The following CCDC171 variants were observed in gnomAD, a reference collection of about 807,000 sequenced individuals.
CCDC171 encodes the protein coiled-coil domain-containing protein 171.
Under a neutral mutation model 168.2 loss-of-function variants are expected in CCDC171, and 177 were observed. That is an observed-to-expected ratio of 1.05 (90% CI 0.93 to 1.19). The LOEUF is 1.19. Ranked by LOEUF, CCDC171 falls within the 50% of genes most tolerant of loss-of-function variation. The pLI is 0.00. For missense variants in CCDC171, 1,991 were observed against 1,539.0 expected (o/e 1.29, Z -4.91); for synonymous variants, 687 against 540.8 (o/e 1.27, Z -3.75).
chr9:15,563,147 T>C lies in CCDC171; in HGVS notation c.-111-831T>C, dbSNP rs561150722. 7.3e-5 allele frequency among the ~76,000 whole-genome samples: 11 copies of C among 151,046 alleles called. No homozygotes were observed. The South Asian group carries it at 2.3e-3, about 31-fold the overall frequency. On this transcript the variant is annotated intron_variant, in intron 1 of 25. Coordinates refer to ENST00000380701, the MANE Select transcript of CCDC171 (RefSeq NM_173550.4). ...ACTTTTTCAAGTTACTTCTTTTTTTTTTTTTTTTGACACGGAGTTTCTCTC... is the reference window on the plus strand; with the variant it reads ...ACTTTTTCAAGTTACTTCTTTTTTTCTTTTTTTTGACACGGAGTTTCTCTC...
intron 6 of CCDC171, among the ~76,000 whole-genome samples, chr9:15,621,314 G>T (rs984474840): frequency 6.6e-6 from 1 of 152,104 alleles, no homozygotes; most frequent in East Asian, 1.9e-4. Context: ...TATATATAAT[G>T]CTATTGCACA....
chr9:15,918,042 G>C (rs1824783628), intron 24 of CCDC171, among the ~76,000 whole-genome samples: 1 of 151,564 alleles, frequency 6.6e-6, no homozygotes, highest in Non-Finnish European at 1.5e-5. Context: ...ATGCAACATA[G>C]GTGAAGGGTT....
chr9:15,809,377 C>T (rs1033856672), intron 21 of CCDC171, among the ~76,000 whole-genome samples: 3 of 152,210 alleles, frequency 2.0e-5, no homozygotes, highest in Non-Finnish European at 2.9e-5. Context: ...TCCTCAGTCT[C>T]ACTGTGTCTG....
chr9:15,730,006 T>A (rs767622541), intron 16 of CCDC171, among the ~76,000 whole-genome samples: 2 of 152,184 alleles, frequency 1.3e-5, no homozygotes, highest in Middle Eastern at 3.4e-3. Context: ...TCATGTAAGT[T>A]TGGAAATATA....
chr9:15,994,426 G>A (rs1832305756), intron 3 of CCDC171, among the ~76,000 whole-genome samples: 2 of 152,146 alleles, frequency 1.3e-5, no homozygotes, highest in Non-Finnish European at 2.9e-5. Context: ...TCACACACCA[G>A]GCCTGTCATG....
chr9:15,692,483 T>G (rs890651391), intron 10 of CCDC171, among the ~76,000 whole-genome samples: 20 of 152,064 alleles, frequency 1.3e-4, no homozygotes, highest in Non-Finnish European at 2.5e-4. Flanking sequence ...ATGAAATCTC[T>G]CTCTTAATCA....
chr9:15,777,560 C>G (rs1564387023), intron 18 of CCDC171, 40 bp from the exon 19 acceptor site: 1 of 1,226,766 alleles, frequency 8.2e-7, no homozygotes, highest in East Asian at 2.3e-5. Context: ...GCACAAGAGA[C>G]AATTCACATT....
At chr9:15,644,136 G>C (rs1369837183) in intron 7 of CCDC171, among the ~76,000 whole-genome samples, 1 of 152,132 alleles carries the variant, frequency 6.6e-6, no homozygotes, top group East Asian at 1.9e-4. Flanking sequence ...AATTTTTTGA[G>C]CAGCTACCAA....
At chr9:16,036,977 A>G (rs1433812956) in intron 8 of CCDC171, among the ~76,000 whole-genome samples, 1 of 152,252 alleles carries the variant, frequency 6.6e-6, no homozygotes, top group Non-Finnish European at 1.5e-5. Context: ...AGTTGTGCTC[A>G]TAGAAGTAAA....
At chr9:16,066,474 A>G (rs1031109890), downstream of CCDC171, among the ~76,000 whole-genome samples, 3 of 110,814 alleles carry the variant, frequency 2.7e-5, no homozygotes, top group East Asian at 4.8e-4. Flanking sequence ...TTTTTTTTTT[A>G]TTATACTTTA....
chr9:16,030,803 C>T (rs565279215), intron 6 of CCDC171, among the ~76,000 whole-genome samples: 2 of 152,340 alleles, frequency 1.3e-5, no homozygotes, highest in Admixed American at 6.5e-5. Context: ...ACCATTCCCA[C>T]TCCATGTGAT....
Position 15,556,141 on chromosome 9 carries a change from CAT to C in CCDC171, c.-112+2842_-112+2843del, listed in dbSNP as rs1183922751. ...CTATGGTGAATGGTGCCGCAATAAA[CAT>C]ATGTGTGCATGTGTCTTTATAGCAG... On this transcript the variant is annotated intron_variant, in intron 1 of 25. Transcript: ENST00000380701. Among the ~76,000 whole-genome samples the C allele has an allele frequency of 4.6e-5, 7 of 152,256 alleles. No homozygotes were observed. In the South Asian group the frequency reaches 8.3e-4, roughly 18 times the overall value.
At chr9:15,777,853 A>G (rs2057415732) in intron 19 of CCDC171, 27 bp downstream of exon 19, 1 of 1,424,238 alleles carries the variant, frequency 7.0e-7, no homozygotes. Flanking sequence ...ATTTAGTAGT[A>G]ACCTAAGAAC....
At chr9:15,666,039 C>T in intron 8 of CCDC171, 124 bp from the exon 9 acceptor site, 3 of 795,042 alleles carry the variant, frequency 3.8e-6, no homozygotes, top group Non-Finnish European at 5.8e-6. Flanking sequence ...TTTTTTAAGC[C>T]AAAGCAGAAA....
At chr9:15,896,496 G>T (rs1820918291) in intron 24 of CCDC171, among the ~76,000 whole-genome samples, 1 of 152,028 alleles carries the variant, frequency 6.6e-6, no homozygotes, top group African/African-American at 2.4e-5. Flanking sequence ...AAAGGAAAAT[G>T]AACTTAGATT....
intron 6 of CCDC171, among the ~76,000 whole-genome samples, chr9:15,611,304 T>C (rs974769817): frequency 1.3e-5 from 2 of 152,216 alleles, no homozygotes; most frequent in African/African-American, 4.8e-5. Flanking sequence ...TTCTCACATA[T>C]TTCTTTATAG....
intron 21 of CCDC171, among the ~76,000 whole-genome samples, chr9:15,838,730 C>T (rs889750080): frequency 1.3e-5 from 2 of 152,154 alleles, no homozygotes; most frequent in African/African-American, 2.4e-5. Context: ...CCACGCCTGG[C>T]TGGATACCAG....
At chr9:15,883,087 G>C in intron 24 of CCDC171, 1 of 402,508 alleles carries the variant, frequency 2.5e-6, no homozygotes, top group Non-Finnish European at 4.8e-6. Flanking sequence ...AGAGTGCAGT[G>C]GTGTGATCAT....
At chr9:15,862,199 C>T (rs1409009923) in intron 23 of CCDC171, among the ~76,000 whole-genome samples, 4 of 151,470 alleles carry the variant, frequency 2.6e-5, no homozygotes, top group Non-Finnish European at 4.4e-5. Flanking sequence ...ATAAAAAAGA[C>T]TTAAAAATTC....
Sources: gnomAD v4.1 joint callset for allele counts (sites outside exome capture counted in the v4.1 genomes callset) on GRCh38, gnomAD v4.1.1 for gene constraint, MANE v1.5 for transcripts, NCBI Gene and HGNC (gene_info 2026-07-23, HGNC 2026-07-21) for gene names.